Variants in DLG2 observed in about 807,000 individuals in gnomAD.
The protein encoded by DLG2 is disks large homolog 2.
Under a neutral mutation model 132.5 loss-of-function variants are expected in DLG2, and 45 were observed. The ratio of observed to expected loss-of-function variants is 0.34; its 90% CI spans 0.27 to 0.44. The LOEUF (loss-of-function observed/expected upper bound fraction) is 0.44, where lower values mean the gene tolerates loss of function less well. Ranked by LOEUF, DLG2 falls within the 20% of genes least tolerant of loss-of-function variation. The probability of loss-of-function intolerance (pLI) is 1.00; values close to 1 mark genes in which losing one functional copy is unlikely to be tolerated. For synonymous variants in DLG2, 424 were observed against 419.6 expected (o/e 1.01, Z -0.13); for missense variants, 1,045 against 1,196.9 (o/e 0.87, Z 1.87).
At chr11:85,324,689 T>C (rs1565325962) in intron 3 of DLG2, among the ~76,000 whole-genome samples, 1 of 152,200 alleles carries the variant, frequency 6.6e-6, no homozygotes. Context: ...TTGTGAAGAA[T>C]TCAGGACCAA....
chr11:85,308,265 G>GA (rs1228360830), intron 3 of DLG2, among the ~76,000 whole-genome samples: 1 of 149,932 alleles, frequency 6.7e-6, no homozygotes, highest in Admixed American at 6.6e-5. Context: ...AAATTAAGGG[G>GA]AAAAAAGGAA....
At chr11:83,533,617 G>A (rs1453520337) in intron 20 of DLG2, among the ~76,000 whole-genome samples, 1 of 152,094 alleles carries the variant, frequency 6.6e-6, no homozygotes, top group Non-Finnish European at 1.5e-5. Context: ...TTTGTCAGTA[G>A]GGAAATTTCA....
At chr11:84,541,451 G>A (rs561138614) in intron 6 of DLG2, among the ~76,000 whole-genome samples, 37 of 152,052 alleles carry the variant, frequency 2.4e-4, no homozygotes, top group African/African-American at 8.4e-4. Context: ...CAGATTTAGT[G>A]TTGCCTCCTC....
intron 6 of DLG2, among the ~76,000 whole-genome samples, chr11:84,861,500 T>C (rs2083618995): frequency 6.6e-6 from 1 of 151,784 alleles, no homozygotes; most frequent in Non-Finnish European, 1.5e-5. Context: ...TTCCAAATGG[T>C]ATTGCCTAAG....
At chr11:84,586,987 A>G (rs981391854) in intron 6 of DLG2, among the ~76,000 whole-genome samples, 8 of 152,212 alleles carry the variant, frequency 5.3e-5, no homozygotes, top group African/African-American at 1.9e-4. Flanking sequence ...AAACTCAATC[A>G]CTTTTTTGCA....
intron 11 of DLG2, among the ~76,000 whole-genome samples, chr11:84,028,052 T>TAAA (rs368079509): frequency 6.8e-6 from 1 of 146,736 alleles, no homozygotes; most frequent in African/African-American, 2.6e-5. Flanking sequence ...TTGTCCAGAT[T>TAAA]AAAAAAAAAA....
chr11:83,677,422 T>C (rs1156955518), intron 18 of DLG2, among the ~76,000 whole-genome samples: 5 of 152,144 alleles, frequency 3.3e-5, no homozygotes, highest in Admixed American at 3.3e-4. Context: ...CCAGATACTT[T>C]CATATGGAGG....
chr11:85,473,598 T>C (rs1260622861), intron 3 of DLG2, among the ~76,000 whole-genome samples: 2 of 152,002 alleles, frequency 1.3e-5, no homozygotes, highest in South Asian at 2.1e-4. Flanking sequence ...TTTAACATAA[T>C]GACCACTTTT....
chr11:84,895,441 C>A (rs986988466), intron 6 of DLG2, among the ~76,000 whole-genome samples: 1 of 152,040 alleles, frequency 6.6e-6, no homozygotes, highest in Admixed American at 6.6e-5. Context: ...CAAATAAGGT[C>A]ATAAAAATAT....
At chr11:84,960,458 T>C (rs186501728) in intron 6 of DLG2, among the ~76,000 whole-genome samples, 126 of 151,184 alleles carry the variant, frequency 8.3e-4, no homozygotes, top group African/African-American at 3.0e-3. Context: ...TTTTTTGAGA[T>C]AGAGTCTGGC....
At chr11:84,323,720 C>CTTTTTTTTTTTTTT (rs35283044) in intron 7 of DLG2, among the ~76,000 whole-genome samples, 2 of 123,788 alleles carry the variant, frequency 1.6e-5, no homozygotes, top group Non-Finnish European at 3.4e-5. Context: ...TTCTTTTTTC[C>CTTTTTTTTTTTTTT]TTTTTTTTTT....
chr11:85,409,673 G>C (rs979090226), intron 3 of DLG2, among the ~76,000 whole-genome samples: 1 of 151,826 alleles, frequency 6.6e-6, no homozygotes, highest in Non-Finnish European at 1.5e-5. Context: ...GCCAATGGGA[G>C]GCAGTTATAT....
At chr11:84,372,953 T>C (rs1239439307) in intron 7 of DLG2, among the ~76,000 whole-genome samples, 1 of 151,850 alleles carries the variant, frequency 6.6e-6, no homozygotes, top group Non-Finnish European at 1.5e-5. Flanking sequence ...CCTAAAAATA[T>C]AGCAAGAGAT....
At chr11:84,974,907 C>G (rs1325873433) in intron 6 of DLG2, among the ~76,000 whole-genome samples, 2 of 152,196 alleles carry the variant, frequency 1.3e-5, no homozygotes, top group Non-Finnish European at 2.9e-5. Context: ...TAGGTATAGA[C>G]TTCTTGATAA....
intron 7 of DLG2, among the ~76,000 whole-genome samples, chr11:84,290,798 C>G (rs1370224804): frequency 2.6e-5 from 4 of 152,040 alleles, no homozygotes; most frequent in Non-Finnish European, 5.9e-5. Flanking sequence ...AGAAATTGTT[C>G]TTTTGGTAGT....
chr11:84,093,047 A>AG (rs1555337665), intron 10 of DLG2, among the ~76,000 whole-genome samples: 1 of 151,534 alleles, frequency 6.6e-6, no homozygotes, highest in Non-Finnish European at 1.5e-5. Flanking sequence ...AAAAAAAAAA[A>AG]AAAGAAAGAA....
intron 18 of DLG2, among the ~76,000 whole-genome samples, chr11:83,660,051 G>C (rs2073848085): frequency 6.6e-6 from 1 of 152,204 alleles, no homozygotes; most frequent in Non-Finnish European, 1.5e-5. Flanking sequence ...TAGCTGAGAA[G>C]ACTAAGATAC....
intron 6 of DLG2, among the ~76,000 whole-genome samples, chr11:85,079,692 G>A (rs528681715): frequency 2.0e-5 from 3 of 152,164 alleles, no homozygotes; most frequent in South Asian, 4.1e-4. Context: ...AGTGTTCAAA[G>A]CCAGATGTGA....
intron 6 of DLG2, among the ~76,000 whole-genome samples, chr11:84,928,982 G>GTGTGTGTATATA (rs1400906684): frequency 1.3e-3 from 62 of 49,094 alleles, no homozygotes; most frequent in South Asian, 1.7e-3. Flanking sequence ...GTGTGTGTGT[G>GTGTGTGTATATA]TATATATATA....
Sources: gnomAD v4.1 joint callset for allele counts (sites outside exome capture counted in the v4.1 genomes callset) on GRCh38, gnomAD v4.1.1 for gene constraint, MANE v1.5 for transcripts, NCBI Gene and HGNC (gene_info 2026-07-23, HGNC 2026-07-21) for gene names.